The following PTPN14 variants were observed in gnomAD, a reference collection of about 807,000 sequenced individuals.
PTPN14 encodes the protein protein tyrosine phosphatase non-receptor type 14.
PTPN14 carries 53 observed loss-of-function variants against 126.8 expected under a neutral mutation model. That is an observed-to-expected ratio of 0.42 (90% confidence interval 0.34 to 0.53). The LOEUF (loss-of-function observed/expected upper bound fraction) is 0.53, where lower values mean the gene tolerates loss of function less well. PTPN14 is among the 20% of genes least tolerant of loss of function. The pLI, the probability that PTPN14 is intolerant of heterozygous loss-of-function variation, is 0.08. For missense variants in PTPN14, 1,257 were observed against 1,552.9 expected, an observed-to-expected ratio of 0.81 and a Z score of 3.20; for synonymous variants, 630 against 599.3, an observed-to-expected ratio of 1.05 and a Z score of -0.75.
intron 1 of PTPN14, among the ~76,000 whole-genome samples, chr1:214,502,368 A>G (rs1479457885): frequency 1.3e-5 from 2 of 152,194 alleles, no homozygotes; most frequent in Non-Finnish European, 2.9e-5. Context: ...CCAAACAATG[A>G]TGTGCATTTT....
At chr1:214,440,609 A>G (rs180812140) in intron 3 of PTPN14, among the ~76,000 whole-genome samples, 1 of 152,336 alleles carries the variant, frequency 6.6e-6, no homozygotes, top group East Asian at 1.9e-4. Flanking sequence ...CAGCTCAACC[A>G]CCTACAGTCT....
chr1:214,421,546 GA>G (rs142933311), intron 3 of PTPN14, among the ~76,000 whole-genome samples: 26 of 148,148 alleles, frequency 1.8e-4, no homozygotes, highest in East Asian at 5.9e-4. Context: ...AGGGTGAGGA[GA>G]AAAAAAAAAT....
At chr1:214,381,984 A>G (rs1318804770) in intron 13 of PTPN14, among the ~76,000 whole-genome samples, 1 of 151,886 alleles carries the variant, frequency 6.6e-6, no homozygotes, top group Non-Finnish European at 1.5e-5. Flanking sequence ...GGCTCACAGC[A>G]ACCTCCGCCT....
intron 2 of PTPN14, among the ~76,000 whole-genome samples, chr1:214,453,736 G>C (rs868734398): frequency 6.6e-6 from 1 of 152,114 alleles, no homozygotes; most frequent in Middle Eastern, 3.2e-3. Context: ...GTGAACCAGA[G>C]AATCAGGAAA....
chr1:214,445,939 G>A (rs545765465), intron 3 of PTPN14, among the ~76,000 whole-genome samples: 1 of 152,270 alleles, frequency 6.6e-6, no homozygotes, highest in Admixed American at 6.5e-5. Flanking sequence ...TCTTTCCTTT[G>A]AGTCAGGAGA....
chr1:214,349,729 C>T lies in PTPN14; in HGVS notation c.*8193G>A, dbSNP rs1282448619. 1 of 151,808 alleles carries T rather than the reference C, an allele frequency of 6.6e-6. No homozygotes were observed. The highest frequency in any genetic ancestry group is 1.5e-5 in the Non-Finnish European group (1 of 68,012). The allele number at this position is 151,808 out of a possible 1,614,324, so 9.4% of individuals were successfully genotyped here. On this transcript the variant is annotated 3_prime_UTR_variant, in exon 19 of 19. Transcript: ENST00000366956. ...TCTCTGATGAAGAGTAGCTTTATGT[C>T]AGAAAGGAGAAGGCTAATGAATTTT...
chr1:214,492,543 T>C (rs1373318360), intron 1 of PTPN14, among the ~76,000 whole-genome samples: 1 of 152,236 alleles, frequency 6.6e-6, no homozygotes, highest in Non-Finnish European at 1.5e-5. Context: ...GGACATTTGA[T>C]GATGACAGAG....
chr1:214,400,838 C>T (rs548127702), intron 7 of PTPN14, among the ~76,000 whole-genome samples: 3 of 152,238 alleles, frequency 2.0e-5, no homozygotes, highest in African/African-American at 7.2e-5. Context: ...CCACCCTGCT[C>T]GATTCTACTT....
intron 1 of PTPN14, among the ~76,000 whole-genome samples, chr1:214,480,031 G>A (rs1351916023): frequency 6.6e-6 from 1 of 151,984 alleles, no homozygotes; most frequent in Admixed American, 6.6e-5. Context: ...TTAAACTGTT[G>A]CATAATATTC....
At chr1:214,427,675 A>G (rs1235904400) in intron 3 of PTPN14, among the ~76,000 whole-genome samples, 1 of 152,180 alleles carries the variant, frequency 6.6e-6, no homozygotes, top group East Asian at 1.9e-4. Context: ...AATCAAGTAA[A>G]TAAACAATAG....
intron 1 of PTPN14, among the ~76,000 whole-genome samples, chr1:214,467,658 T>C (rs1252493193): frequency 6.6e-6 from 1 of 152,242 alleles, no homozygotes; most frequent in Non-Finnish European, 1.5e-5. Context: ...CCTTAGATAT[T>C]TCTACATTGT....
chr1:214,423,689 T>A (rs1659594249), intron 3 of PTPN14, among the ~76,000 whole-genome samples: 2 of 152,202 alleles, frequency 1.3e-5, no homozygotes. Flanking sequence ...CTTAAAAATA[T>A]CTGAGTACCT....
At chr1:214,425,524 T>C (rs1659641965) in intron 3 of PTPN14, among the ~76,000 whole-genome samples, 1 of 152,216 alleles carries the variant, frequency 6.6e-6, no homozygotes, top group Admixed American at 6.5e-5. Context: ...GCCTTGTTCA[T>C]GTCTGTATTT....
At chr1:214,526,269 C>T (rs1371601368) in intron 1 of PTPN14, among the ~76,000 whole-genome samples, 54 of 152,066 alleles carry the variant, frequency 3.6e-4, no homozygotes, top group Non-Finnish European at 7.4e-5. Flanking sequence ...CCCGGCCAAG[C>T]TAGAGTCACT....
chr1:214,523,823 G>GAAAT (rs1655320977), intron 1 of PTPN14, among the ~76,000 whole-genome samples: 1 of 150,488 alleles, frequency 6.6e-6, no homozygotes, highest in South Asian at 2.1e-4. Context: ...TTTTTGCACT[G>GAAAT]AAATAGTATT....
At chr1:214,418,055 T>C (rs1659464261) in intron 3 of PTPN14, among the ~76,000 whole-genome samples, 1 of 152,172 alleles carries the variant, frequency 6.6e-6, no homozygotes, top group African/African-American at 2.4e-5. Flanking sequence ...GCCTACCTCA[T>C]TACTCCTGGG....
chr1:214,383,546 C>A lies in PTPN14; in HGVS notation c.2309G>T (p.Ser770Ile), dbSNP rs763904657. The A allele has an allele frequency of 6.2e-7, 1 of 1,613,876 alleles. No homozygotes were observed. Among genetic ancestry groups the A allele is most frequent in the East Asian group, 2.2e-5 (1 of 44,872 alleles). The change falls in exon 13 of 19, where the codon AGC becomes ATC. Residue 770 changes from serine (S) to isoleucine (I), a missense_variant. Transcript: ENST00000366956. This position sits in a 1 kb window ranked among gnomAD's most constrained non-coding sequence, Gnocchi z 4.4. ...GGCTCTGGCCATGGCGGGAGGAAGG[C>A]TGGCTTGGTCCTGCCTCAGAGCCCC... is the stretch of plus-strand genomic sequence containing the variant. ...SNGALRQDQA[S>I]LPPAMARARV...
chr1:214,526,263 G>A (rs767102213), intron 1 of PTPN14, among the ~76,000 whole-genome samples: 1 of 152,170 alleles, frequency 6.6e-6, no homozygotes, highest in Non-Finnish European at 1.5e-5. Context: ...ACCACGCCCG[G>A]CCAAGCTAGA....
chr1:214,355,535 C>G lies in PTPN14; in HGVS notation c.*2387G>C, dbSNP rs1023812902. The G allele has an allele frequency of 6.6e-6, 1 of 152,174 alleles. No individual in the cohort carries two copies. The highest frequency in any genetic ancestry group is 1.5e-5 in the Non-Finnish European group (1 of 68,032). The allele number at this position is 152,174 out of a possible 1,614,324, so 9.4% of individuals were successfully genotyped here. ...CTGTTCACTGAAAATACATGTAATA[C>G]TAATGGGTTTCTTTCCAGGACATAC... On this transcript the variant is annotated 3_prime_UTR_variant, in exon 19 of 19. Coordinates refer to ENST00000366956, the MANE Select transcript of PTPN14 (RefSeq NM_005401.5).
Sources: gnomAD v4.1 joint callset for allele counts (sites outside exome capture counted in the v4.1 genomes callset) on GRCh38, gnomAD v4.1.1 for gene constraint, Gnocchi (gnomAD v3.1) non-coding constraint, MANE v1.5 for transcripts, NCBI Gene and HGNC (gene_info 2026-07-23, HGNC 2026-07-21) for gene names.